The following SLC24A2 variants were observed in gnomAD, a reference collection of about 807,000 sequenced individuals.
SLC24A2 encodes the protein sodium/potassium/calcium exchanger 2.
SLC24A2 carries 36 observed loss-of-function variants against 62.0 expected under a neutral mutation model. The ratio of observed to expected loss-of-function variants is 0.58; its 90% CI spans 0.44 to 0.77. The LOEUF is 0.77. SLC24A2 is among the 30% of genes least tolerant of loss of function. The probability of loss-of-function intolerance (pLI) is 0.00; values close to 1 mark genes in which losing one functional copy is unlikely to be tolerated. For synonymous variants in SLC24A2, 358 were observed against 294.0 expected (o/e 1.22, Z -2.23); for missense variants, 846 against 817.9 (o/e 1.03, Z -0.42).
the SLC24A2 span, among the ~76,000 whole-genome samples, chr9:20,017,614 GC>G: frequency 6.6e-6 from 1 of 152,096 alleles, no homozygotes; most frequent in African/African-American, 2.4e-5. Flanking sequence ...GCCAGTGCGA[GC>G]CCCAAAACCT....
chr9:19,600,140 T>C (rs1039022414), intron 4 of SLC24A2, among the ~76,000 whole-genome samples: 1 of 152,176 alleles, frequency 6.6e-6, no homozygotes, highest in Non-Finnish European at 1.5e-5. Context: ...CTCTATAACA[T>C]TTCTCTAAGA....
At chr9:20,239,572 C>G in the SLC24A2 span, among the ~76,000 whole-genome samples, 9 of 152,276 alleles carry the variant, frequency 5.9e-5, no homozygotes, top group Admixed American at 4.6e-4. Context: ...AAGGGCTGCT[C>G]TTGCCCAGGT....
At chr9:19,748,678 T>G (rs1338716549) in intron 2 of SLC24A2, among the ~76,000 whole-genome samples, 5 of 150,492 alleles carry the variant, frequency 3.3e-5, no homozygotes, top group African/African-American at 9.8e-5. Flanking sequence ...TTTTTGATTT[T>G]TTTGTTTGTT....
At chr9:19,845,726 G>A in the SLC24A2 span, among the ~76,000 whole-genome samples, 1 of 152,084 alleles carries the variant, frequency 6.6e-6, no homozygotes, top group Non-Finnish European at 1.5e-5. Context: ...TAGATGTTTA[G>A]TGCTATAAGC....
chr9:20,239,790 C>A, the SLC24A2 span, among the ~76,000 whole-genome samples: 2 of 151,880 alleles, frequency 1.3e-5, no homozygotes, highest in Non-Finnish European at 2.9e-5. Context: ...CACATAGTAG[C>A]ACATAGTAAG....
At chr9:19,879,491 G>T in the SLC24A2 span, among the ~76,000 whole-genome samples, 1 of 152,126 alleles carries the variant, frequency 6.6e-6, no homozygotes, top group Non-Finnish European at 1.5e-5. Context: ...AGTTATTTTG[G>T]GTTACAATGG....
At chr9:20,197,298 G>T in the SLC24A2 span, among the ~76,000 whole-genome samples, 2 of 152,052 alleles carry the variant, frequency 1.3e-5, no homozygotes, top group Non-Finnish European at 2.9e-5. Flanking sequence ...CTCACAATAG[G>T]AAAAGAGTCC....
the SLC24A2 span, among the ~76,000 whole-genome samples, chr9:19,891,429 A>G: frequency 1.3e-5 from 2 of 152,326 alleles, no homozygotes; most frequent in African/African-American, 4.8e-5. Context: ...ATAAAGAAAG[A>G]GGTTTATGTG....
the SLC24A2 span, among the ~76,000 whole-genome samples, chr9:20,283,766 T>G: frequency 1.4e-5 from 2 of 147,362 alleles, no homozygotes; most frequent in East Asian, 2.1e-4. Context: ...GGGGGGGGCT[T>G]TAATCTTGAT....
At chr9:19,929,605 TGAC>T in the SLC24A2 span, 5 of 152,328 alleles carry the variant, frequency 3.3e-5, no homozygotes, top group Admixed American at 3.3e-4. Flanking sequence ...TAATAATAAA[TGAC>T]GATGTTACTG....
At chr9:19,837,775 C>G in the SLC24A2 span, among the ~76,000 whole-genome samples, 11 of 152,078 alleles carry the variant, frequency 7.2e-5, no homozygotes, top group South Asian at 2.3e-3. Flanking sequence ...ATACCAATAA[C>G]AGACAAACAG....
intron 2 of SLC24A2, among the ~76,000 whole-genome samples, chr9:19,683,547 T>TG (rs1819785661): frequency 6.6e-6 from 1 of 151,996 alleles, no homozygotes; most frequent in Non-Finnish European, 1.5e-5. Context: ...TTTTTTTTTT[T>TG]TTTCAGTTTC....
chr9:19,831,840 C>T, the SLC24A2 span, among the ~76,000 whole-genome samples: 1 of 152,192 alleles, frequency 6.6e-6, no homozygotes, highest in African/African-American at 2.4e-5. Flanking sequence ...ATCATAATTG[C>T]ATTTCCTTGC....
chr9:20,078,410 C>T, the SLC24A2 span, among the ~76,000 whole-genome samples: 1 of 149,042 alleles, frequency 6.7e-6, no homozygotes, highest in African/African-American at 2.5e-5. Context: ...GAGCCTGATT[C>T]AGTGGTCAGC....
chr9:19,523,216 A>G (rs1025674868), intron 9 of SLC24A2, among the ~76,000 whole-genome samples: 2 of 152,202 alleles, frequency 1.3e-5, no homozygotes, highest in East Asian at 1.9e-4. Flanking sequence ...AAACATAGGA[A>G]TTGAAGAGGA....
chr9:19,777,708 T>C (rs1221660071), intron 2 of SLC24A2, among the ~76,000 whole-genome samples: 1 of 152,166 alleles, frequency 6.6e-6, no homozygotes, highest in African/African-American at 2.4e-5. Flanking sequence ...TGTGTATATA[T>C]ATGTCTATGT....
intron 7 of SLC24A2, among the ~76,000 whole-genome samples, chr9:19,569,461 G>C (rs963455304): frequency 6.6e-6 from 1 of 152,158 alleles, no homozygotes; most frequent in South Asian, 2.1e-4. Flanking sequence ...CTCCCAAGAG[G>C]AGGGTGAAGT....
chr9:19,618,599 T>C (rs1817829113), intron 4 of SLC24A2, among the ~76,000 whole-genome samples: 2 of 152,194 alleles, frequency 1.3e-5, no homozygotes, highest in African/African-American at 4.8e-5. Flanking sequence ...AGATTTTTCT[T>C]TACCTCATAT....
At chr9:19,826,805 A>G in the SLC24A2 span, among the ~76,000 whole-genome samples, 1 of 152,140 alleles carries the variant, frequency 6.6e-6, no homozygotes, top group African/African-American at 2.4e-5. Context: ...TTTGGAGGGA[A>G]TGCAAACACT....
Sources: gnomAD v4.1 joint callset for allele counts (sites outside exome capture counted in the v4.1 genomes callset) on GRCh38, gnomAD v4.1.1 for gene constraint, MANE v1.5 for transcripts, NCBI Gene and HGNC (gene_info 2026-07-23, HGNC 2026-07-21) for gene names.